ALK: variants seen among roughly 807,000 people sequenced by gnomAD.
ALK encodes the protein ALK receptor tyrosine kinase, also known as ALK tyrosine kinase receptor.
A neutral mutation model predicts 163.1 loss-of-function variants in ALK; 74 were observed. The observed-to-expected ratio is 0.45, with a 90% CI of 0.38 to 0.55. ALK has a LOEUF of 0.55. Among genes scored for constraint, ALK ranks in the 20% least tolerant of loss-of-function variants. ALK has a pLI of 0.00. For missense variants in ALK, 2,063 were observed against 2,105.3 expected (o/e 0.98, Z 0.39); for synonymous variants, 960 against 843.2 (o/e 1.14, Z -2.40).
At chr2:29,561,093 T>C (rs1172339530) in intron 3 of ALK, among the ~76,000 whole-genome samples, 1 of 152,206 alleles carries the variant, frequency 6.6e-6, no homozygotes, top group Non-Finnish European at 1.5e-5. Flanking sequence ...TTTGGCTATA[T>C]TGAGTTAAAT....
intron 1 of ALK, among the ~76,000 whole-genome samples, chr2:29,720,382 T>C (rs757291515): frequency 2.6e-5 from 4 of 151,814 alleles, no homozygotes; most frequent in Non-Finnish European, 4.4e-5. Context: ...TATTGCAGGG[T>C]TGAAAAAAAG....
chr2:29,657,877 G>T (rs775408264), intron 3 of ALK, among the ~76,000 whole-genome samples: 11 of 152,102 alleles, frequency 7.2e-5, no homozygotes, highest in Non-Finnish European at 1.2e-4. Flanking sequence ...GTTAGGGAAA[G>T]AAAAAACAAA....
At chr2:29,330,177 C>G (rs917931543) in intron 5 of ALK, among the ~76,000 whole-genome samples, 1 of 152,204 alleles carries the variant, frequency 6.6e-6, no homozygotes, top group South Asian at 2.1e-4. Flanking sequence ...AGCCCTTTCA[C>G]CTGCTCTTCA....
chr2:29,319,803 T>TA (rs1666957416), intron 7 of ALK, among the ~76,000 whole-genome samples: 2 of 152,258 alleles, frequency 1.3e-5, no homozygotes, highest in Non-Finnish European at 2.9e-5. Flanking sequence ...CCTCTGCGTC[T>TA]TTTACAGACA....
At chr2:29,538,069 C>T (rs1673308096) in intron 3 of ALK, among the ~76,000 whole-genome samples, 1 of 152,132 alleles carries the variant, frequency 6.6e-6, no homozygotes, top group Non-Finnish European at 1.5e-5. Context: ...ATAGGTGAGT[C>T]CCACATGAGG....
intron 5 of ALK, among the ~76,000 whole-genome samples, chr2:29,332,057 T>C (rs1040370915): frequency 7.9e-5 from 12 of 151,728 alleles, no homozygotes; most frequent in Non-Finnish European, 1.3e-4. Flanking sequence ...GAGGCTGAGG[T>C]GGGCAGATCA....
intron 3 of ALK, among the ~76,000 whole-genome samples, chr2:29,633,525 A>G (rs540994456): frequency 2.0e-5 from 3 of 152,018 alleles, no homozygotes; most frequent in Non-Finnish European, 2.9e-5. Flanking sequence ...TAGAAAAAGA[A>G]GAGCACAATA....
Position 29,193,933 on chromosome 2 carries a change from G to A in ALK, c.4165-11C>T, listed in dbSNP as rs377759391. Reference sequence around the variant, plus strand: ...GATTACATCCGGGTCCTGCCGTAGGGGAAATTATTAAAACTTTGAATCAGA... The same window carrying A: ...GATTACATCCGGGTCCTGCCGTAGGAGAAATTATTAAAACTTTGAATCAGA... On this transcript the variant is annotated splice_polypyrimidine_tract_variant and intron_variant, in intron 28 of 28. Transcript: ENST00000389048. 56 of 1,613,342 alleles carry A rather than the reference G, an allele frequency of 3.5e-5. 1 individual carries two copies. Among genetic ancestry groups the A allele is most frequent in the Middle Eastern group, 1.6e-4 (1 of 6,080 alleles).
chr2:29,631,521 T>C (rs919343052), intron 3 of ALK, among the ~76,000 whole-genome samples: 2 of 152,358 alleles, frequency 1.3e-5, no homozygotes, highest in Admixed American at 6.5e-5. Flanking sequence ...GACACAGGAC[T>C]GGAACAGGAG....
intron 1 of ALK, among the ~76,000 whole-genome samples, chr2:29,731,596 C>A (rs1375469732): frequency 6.6e-6 from 1 of 152,188 alleles, no homozygotes; most frequent in Non-Finnish European, 1.5e-5. Flanking sequence ...TTCCGGCCTG[C>A]TGAATTAATG....
At chr2:29,778,575 G>A (rs763895815) in intron 1 of ALK, among the ~76,000 whole-genome samples, 1 of 152,192 alleles carries the variant, frequency 6.6e-6, no homozygotes, top group Non-Finnish European at 1.5e-5. Flanking sequence ...GTGCAAGTGT[G>A]TGTGCAGCAG....
intron 1 of ALK, among the ~76,000 whole-genome samples, chr2:29,752,705 C>G (rs1172477362): frequency 2.6e-5 from 4 of 152,132 alleles, no homozygotes; most frequent in Non-Finnish European, 5.9e-5. Context: ...CATGCTAGCT[C>G]GAGGAGCTTC....
At chr2:29,669,111 C>T (rs756956536) in intron 3 of ALK, among the ~76,000 whole-genome samples, 3 of 151,952 alleles carry the variant, frequency 2.0e-5, no homozygotes, top group Non-Finnish European at 4.4e-5. Context: ...CAGTTAGGCA[C>T]ATTAGATCTA....
Position 29,879,097 on chromosome 2 carries a change from C to T in ALK, c.667+40896G>A, listed in dbSNP as rs527957098. ...CACAAGATCCTTTGAACTCAGTGAACCAGGATATATGACCCACCCCTGCGT... is the reference window on the plus strand; with the variant it reads ...CACAAGATCCTTTGAACTCAGTGAATCAGGATATATGACCCACCCCTGCGT... On this transcript the variant is annotated intron_variant, in intron 1 of 28. Coordinates refer to ENST00000389048, the MANE Select transcript of ALK (RefSeq NM_004304.5). Among the ~76,000 whole-genome samples, 21 of 152,210 alleles carry T rather than the reference C, an allele frequency of 1.4e-4. No individual in the cohort carries two copies. In the South Asian group the frequency reaches 4.4e-3, roughly 32 times the overall value.
intron 11 of ALK, among the ~76,000 whole-genome samples, chr2:29,261,222 G>A (rs1665080671): frequency 6.6e-6 from 1 of 152,154 alleles, no homozygotes; most frequent in South Asian, 2.1e-4. Flanking sequence ...TTGTACAGAT[G>A]CTGATACCAT....
intron 3 of ALK, among the ~76,000 whole-genome samples, chr2:29,533,737 G>A (rs984400437): frequency 6.6e-6 from 1 of 152,216 alleles, no homozygotes; most frequent in African/African-American, 2.4e-5. Flanking sequence ...GGACATAGAT[G>A]TGACAGACAC....
At chr2:29,905,143 T>G (rs1300851802) in intron 1 of ALK, among the ~76,000 whole-genome samples, 1 of 152,258 alleles carries the variant, frequency 6.6e-6, no homozygotes, top group Non-Finnish European at 1.5e-5. Context: ...CAAAGTAATT[T>G]CTTGATGTTA....
In ALK at chr2:29,468,122, G is replaced by A. The variant is rs139237436; in HGVS notation, c.1154+63793C>T. Among the ~76,000 whole-genome samples, 1,043 of 151,890 alleles carry A rather than the reference G, an allele frequency of 6.9e-3. 23 individuals are homozygous for A. Among genetic ancestry groups the A allele is most frequent in the African/African-American group, 0.024 (975 of 41,388 alleles). ...CAGCTCACTGCAACCTGCGCCTACCGGGTTCAAGTGATTCTCTTGCTTCAG... is the reference window on the plus strand; with the variant it reads ...CAGCTCACTGCAACCTGCGCCTACCAGGTTCAAGTGATTCTCTTGCTTCAG... On this transcript the variant is annotated intron_variant, in intron 4 of 28. Transcript: ENST00000389048.
chr2:29,255,786 G>T (rs1202353759), intron 11 of ALK, among the ~76,000 whole-genome samples: 6 of 152,086 alleles, frequency 3.9e-5, no homozygotes, highest in Non-Finnish European at 8.8e-5. Context: ...AGAGCTGTGG[G>T]TACCTGTGAC....
Sources: gnomAD v4.1 joint callset for allele counts (sites outside exome capture counted in the v4.1 genomes callset) on GRCh38, gnomAD v4.1.1 for gene constraint, MANE v1.5 for transcripts, NCBI Gene and HGNC (gene_info 2026-07-23, HGNC 2026-07-21) for gene names.